EDAR: variants seen among roughly 807,000 people sequenced by gnomAD.
EDAR encodes the protein ectodysplasin A receptor.
EDAR carries 38 observed loss-of-function variants against 51.3 expected under a neutral mutation model. The observed-to-expected ratio is 0.74, with a 90% CI of 0.57 to 0.97. The LOEUF (loss-of-function observed/expected upper bound fraction) is 0.97. EDAR is among the 50% of genes least tolerant of loss of function. EDAR has a pLI of 0.00. For missense variants in EDAR, 528 were observed against 595.0 expected (o/e 0.89, Z 1.17); for synonymous variants, 227 against 242.1 (o/e 0.94, Z 0.58).
At position 108,930,412 on chromosome 2, in the gene EDAR, A is replaced by G. The variant is rs934800858; in HGVS notation, c.52-170T>C. Among the ~76,000 whole-genome samples, 4 of 152,080 alleles carry G rather than the reference A, an allele frequency of 2.6e-5. No individual in the cohort carries two copies. In the East Asian group the frequency reaches 5.8e-4, roughly 22 times the overall value. On this transcript the variant is annotated intron_variant, in intron 2 of 11. Transcript: ENST00000258443. ...GAGTGCTCACTGCTGCTAAGTCTCC[A>G]GTGGCTCCTGGTTGATCACCTGGGC...
intron 5 of EDAR, 67 bp downstream of exon 5, chr2:108,923,300 CA>C: frequency 6.8e-7 from 1 of 1,480,078 alleles, no homozygotes. Flanking sequence ...CTCTTTCCTA[CA>C]CCCTCTGTAG....
At chr2:108,898,865 T>G (rs1050811218) in intron 11 of EDAR, among the ~76,000 whole-genome samples, 5 of 152,060 alleles carry the variant, frequency 3.3e-5, no homozygotes, top group African/African-American at 1.2e-4. Context: ...TAATGGAAAC[T>G]AGAAGTGGAA....
intron 1 of EDAR, among the ~76,000 whole-genome samples, chr2:108,979,103 C>T (rs972751432): frequency 1.8e-4 from 28 of 152,200 alleles, no homozygotes; most frequent in Admixed American, 1.4e-3. Flanking sequence ...ACTGAAAATT[C>T]GGAAACGTGG....
chr2:108,979,847 G>A (rs1351340428), intron 1 of EDAR, among the ~76,000 whole-genome samples: 2 of 152,144 alleles, frequency 1.3e-5, no homozygotes, highest in African/African-American at 4.8e-5. Flanking sequence ...GGCCCTGACA[G>A]CCAGCCTGGC....
chr2:108,982,895 GA>G (rs1460468520), intron 1 of EDAR, among the ~76,000 whole-genome samples: 1 of 152,202 alleles, frequency 6.6e-6, no homozygotes, highest in East Asian at 1.9e-4. Context: ...TGGCCACCCA[GA>G]CAGGCCAGGT....
At chr2:108,950,396 G>A (rs1054430364) in intron 1 of EDAR, among the ~76,000 whole-genome samples, 2 of 152,064 alleles carry the variant, frequency 1.3e-5, no homozygotes, top group Non-Finnish European at 2.9e-5. Flanking sequence ...GAGTACAGGT[G>A]CATGCCACTG....
At chr2:108,907,831 G>A (rs766111868) in intron 10 of EDAR, 29 bp downstream of exon 10, 16 of 1,612,856 alleles carry the variant, frequency 9.9e-6, no homozygotes, top group Non-Finnish European at 1.4e-5. Flanking sequence ...ACATCTCACA[G>A]CTCATCATGG....
intron 11 of EDAR, 104 bp from the exon 12 acceptor site, chr2:108,897,333 T>C (rs992931564): frequency 8.5e-7 from 1 of 1,171,730 alleles, no homozygotes; most frequent in Non-Finnish European, 1.2e-6. Flanking sequence ...GAAAAAAATT[T>C]TTTTAAAATT....
At chr2:108,934,688 G>T (rs1697432905) in intron 1 of EDAR, among the ~76,000 whole-genome samples, 1 of 152,098 alleles carries the variant, frequency 6.6e-6, no homozygotes, top group Non-Finnish European at 1.5e-5. Flanking sequence ...TGCAAGCAGG[G>T]CCAATTCACT....
chr2:108,980,558 G>A (rs1042660282), intron 1 of EDAR, among the ~76,000 whole-genome samples: 2 of 152,114 alleles, frequency 1.3e-5, no homozygotes, highest in South Asian at 2.1e-4. Context: ...ACATGCATAT[G>A]TATAAGTCGT....
chr2:108,904,097 A>T (rs1036987614), intron 11 of EDAR, among the ~76,000 whole-genome samples: 2 of 152,182 alleles, frequency 1.3e-5, no homozygotes, highest in Admixed American at 6.5e-5. Context: ...ATATATTTTT[A>T]AAAACCCTCA....
intron 1 of EDAR, among the ~76,000 whole-genome samples, chr2:108,952,155 C>A (rs1697838555): frequency 6.6e-6 from 1 of 152,182 alleles, no homozygotes; most frequent in African/African-American, 2.4e-5. Flanking sequence ...GATATCATCT[C>A]AAGGACCTGA....
At chr2:108,910,655 G>A (rs1381361472) in intron 8 of EDAR, 121 bp downstream of exon 8, 47 of 1,416,754 alleles carry the variant, frequency 3.3e-5, no homozygotes, top group East Asian at 4.6e-5. Flanking sequence ...ACCACCCCAC[G>A]GTAAGCACAG....
At chr2:108,908,052 G>A in intron 9 of EDAR, 33 bp from the exon 10 acceptor site, 1 of 1,580,300 alleles carries the variant, frequency 6.3e-7, no homozygotes, top group Non-Finnish European at 8.6e-7. Context: ...CATTAGCAGT[G>A]CCTGGGGGGG....
At chr2:108,985,862 C>CCATT (rs997894960) in intron 1 of EDAR, among the ~76,000 whole-genome samples, 8 of 152,086 alleles carry the variant, frequency 5.3e-5, no homozygotes, top group Admixed American at 3.3e-4. Context: ...ATGAAGGAGC[C>CCATT]CATTCATTCA....
At chr2:108,962,129 C>T (rs1413629581) in intron 1 of EDAR, among the ~76,000 whole-genome samples, 1 of 152,198 alleles carries the variant, frequency 6.6e-6, no homozygotes, top group Non-Finnish European at 1.5e-5. Context: ...GGTAGGGTAG[C>T]ATGTGGCGCC....
intron 1 of EDAR, among the ~76,000 whole-genome samples, chr2:108,980,553 CATATGT>C (rs1273753530): frequency 2.0e-5 from 3 of 152,004 alleles, no homozygotes; most frequent in East Asian, 3.9e-4. Context: ...ATATTACATG[CATATGT>C]ATAAGTCGTT....
intron 1 of EDAR, among the ~76,000 whole-genome samples, chr2:108,938,842 T>C (rs1162710658): frequency 2.5e-5 from 3 of 119,238 alleles, no homozygotes; most frequent in African/African-American, 9.7e-5. Context: ...GGCAGTGGCA[T>C]GATCTTGGCT....
At chr2:108,900,177 A>T (rs572340791) in intron 11 of EDAR, among the ~76,000 whole-genome samples, 1 of 152,382 alleles carries the variant, frequency 6.6e-6, no homozygotes, top group Non-Finnish European at 1.5e-5. Context: ...ACAGAAATGA[A>T]AAACAGAGAC....
Sources: allele counts gnomAD v4.1 joint callset (sites outside exome capture counted in the v4.1 genomes callset), GRCh38; gene constraint gnomAD v4.1.1; transcripts MANE v1.5; gene names NCBI Gene and HGNC (gene_info 2026-07-23, HGNC 2026-07-21).